MED13L: variants seen among roughly 807,000 people sequenced by gnomAD.
MED13L encodes the protein mediator of RNA polymerase II transcription subunit 13-like.
Under a neutral mutation model 220.9 loss-of-function variants are expected in MED13L, and 7 were observed. The observed-to-expected ratio is 0.03, with a 90% CI of 0.02 to 0.06. The LOEUF is 0.06. Ranked by LOEUF, MED13L falls within the 10% of genes least tolerant of loss-of-function variation. The pLI, the probability that MED13L is intolerant of heterozygous loss-of-function variation, is 1.00. For missense variants in MED13L, 1,965 were observed against 2,760.5 expected (o/e 0.71, Z 6.46); for synonymous variants, 1,011 against 1,015.2 (o/e 1.00, Z 0.08).
At chr12:116,239,060 A>C (rs1870369288) in intron 1 of MED13L, among the ~76,000 whole-genome samples, 1 of 152,126 alleles carries the variant, frequency 6.6e-6, no homozygotes, top group Non-Finnish European at 1.5e-5. Flanking sequence ...GTGCCACGGC[A>C]CTCCAGCCTG....
chr12:116,210,320 T>C (rs894981145), intron 2 of MED13L, among the ~76,000 whole-genome samples: 8 of 152,066 alleles, frequency 5.3e-5, no homozygotes, highest in African/African-American at 1.7e-4. Context: ...GTCAACTGCT[T>C]TGAAACGTTG....
chr12:116,191,103 AAAAAG>A (rs562853726), intron 2 of MED13L, among the ~76,000 whole-genome samples: 98 of 151,116 alleles, frequency 6.5e-4, no homozygotes, highest in Non-Finnish European at 8.6e-4. Context: ...AAAAAAAAAA[AAAAAG>A]AAAAGAAAAG....
chr12:116,083,421 A>C (rs901475456), intron 4 of MED13L, among the ~76,000 whole-genome samples: 2 of 151,416 alleles, frequency 1.3e-5, no homozygotes, highest in African/African-American at 2.4e-5. Flanking sequence ...AAAAAAAAAA[A>C]AAAAAACACC....
intron 1 of MED13L, among the ~76,000 whole-genome samples, chr12:116,258,021 C>T (rs1369666040): frequency 2.0e-5 from 3 of 152,190 alleles, no homozygotes; most frequent in Non-Finnish European, 4.4e-5. Context: ...AATCTATATG[C>T]TCCAGTGATT....
Position 115,975,541 on chromosome 12 carries a change from G to A in MED13L, c.5562C>T (p.Cys1854=), listed in dbSNP as rs139063441. The change falls in exon 24 of 31, where the codon TGC becomes TGT. Residue 1854 remains cysteine (C), a synonymous_variant. Transcript: ENST00000281928. ...TDLHGELLET[C]VVNIALPNRS... is the part of the protein sequence containing the mutation. The stretch of plus-strand genomic sequence containing the variant: ...TGTTTGGTAAAGCAATATTTACAAC[G>A]CAGGTCTCTAATAATTCCCCATGGA... 27 of 1,613,858 alleles carry A rather than the reference G, an allele frequency of 1.7e-5. No individual in the cohort carries two copies. Among genetic ancestry groups the A allele is most frequent in the Admixed American group, 8.3e-5 (5 of 59,988 alleles).
chr12:116,110,885 C>T (rs529909554), intron 3 of MED13L, among the ~76,000 whole-genome samples: 5 of 151,098 alleles, frequency 3.3e-5, no homozygotes, highest in Non-Finnish European at 7.4e-5. Context: ...ATATCAATGT[C>T]AAGAAAGAAA....
intron 2 of MED13L, chr12:116,230,464 T>C: frequency 1.0e-6 from 1 of 983,876 alleles, no homozygotes. Flanking sequence ...CAATCTAAAA[T>C]ACTACAAATC....
At chr12:115,995,177 G>A (rs1255633317) in intron 16 of MED13L, among the ~76,000 whole-genome samples, 4 of 152,126 alleles carry the variant, frequency 2.6e-5, no homozygotes, top group African/African-American at 9.7e-5. Flanking sequence ...TTTACAGAAG[G>A]TCACAAACTT....
At chr12:116,236,661 G>T (rs1248680149) in intron 2 of MED13L, among the ~76,000 whole-genome samples, 2 of 152,086 alleles carry the variant, frequency 1.3e-5, no homozygotes, top group African/African-American at 4.8e-5. Flanking sequence ...CTAAAGATTA[G>T]AATTAGTCTT....
chr12:116,180,934 T>C lies in MED13L; in HGVS notation c.310+56534A>G, dbSNP rs942956709. Among the ~76,000 whole-genome samples, 21 of 147,194 alleles carry C rather than the reference T, an allele frequency of 1.4e-4. No individual in the cohort carries two copies. The South Asian group carries it at 2.1e-3, about 15-fold the overall frequency. ...AAAATGAGTTATTTCTCTCTCTCTT[T>C]TTTTTTTTTTTTTTGAAATGCAGTC... On this transcript the variant is annotated intron_variant, in intron 2 of 30. Transcript: ENST00000281928.
intron 2 of MED13L, among the ~76,000 whole-genome samples, chr12:116,202,057 T>C (rs1341204912): frequency 1.3e-5 from 2 of 152,172 alleles, no homozygotes; most frequent in Non-Finnish European, 2.9e-5. Context: ...CAAGTCACAT[T>C]CCTAGAAGAC....
At chr12:116,190,592 TCAAA>T (rs1313755925) in intron 2 of MED13L, among the ~76,000 whole-genome samples, 1 of 152,224 alleles carries the variant, frequency 6.6e-6, no homozygotes, top group Non-Finnish European at 1.5e-5. Context: ...AGGCAACCTG[TCAAA>T]CAATCTCATA....
chr12:116,026,566 C>T (rs1344499285), intron 4 of MED13L, among the ~76,000 whole-genome samples: 1 of 152,098 alleles, frequency 6.6e-6, no homozygotes, highest in Non-Finnish European at 1.5e-5. Context: ...AGGGTGGGCC[C>T]CATAAATCTG....
At chr12:116,200,914 T>C (rs1881972260) in intron 2 of MED13L, among the ~76,000 whole-genome samples, 1 of 152,072 alleles carries the variant, frequency 6.6e-6, no homozygotes, top group Non-Finnish European at 1.5e-5. Flanking sequence ...AGAGGGATGG[T>C]GTAAGCAAAA....
intron 2 of MED13L, among the ~76,000 whole-genome samples, chr12:116,126,366 G>C (rs1160670907): frequency 6.6e-6 from 1 of 152,166 alleles, no homozygotes; most frequent in East Asian, 1.9e-4. Context: ...TTTTGGATAG[G>C]GCACAGTCTG....
chr12:116,136,442 ATGTG>A (rs966787190), intron 2 of MED13L, among the ~76,000 whole-genome samples: 1 of 152,102 alleles, frequency 6.6e-6, no homozygotes, highest in African/African-American at 2.4e-5. Flanking sequence ...ATAAGTGTGT[ATGTG>A]TGTGTGTATG....
chr12:116,250,776 CAAAAAA>C (rs772459455), intron 1 of MED13L, among the ~76,000 whole-genome samples: 5 of 76,782 alleles, frequency 6.5e-5, no homozygotes, highest in African/African-American at 2.2e-4. Flanking sequence ...GACTCCTCCT[CAAAAAA>C]AAAAAAAAAA....
chr12:115,974,773 C>T (rs981100629), intron 25 of MED13L, among the ~76,000 whole-genome samples: 4 of 152,192 alleles, frequency 2.6e-5, no homozygotes, highest in African/African-American at 9.7e-5. Context: ...CAAAACTCAT[C>T]ATCAACCACC....
intron 2 of MED13L, among the ~76,000 whole-genome samples, chr12:116,136,682 G>A (rs2138028245): frequency 6.6e-6 from 1 of 152,066 alleles, no homozygotes; most frequent in East Asian, 1.9e-4. Context: ...AACATCAGGT[G>A]GCATATAATA....
Sources: allele counts gnomAD v4.1 joint callset (sites outside exome capture counted in the v4.1 genomes callset), GRCh38; gene constraint gnomAD v4.1.1; transcripts MANE v1.5; gene names NCBI Gene and HGNC (gene_info 2026-07-23, HGNC 2026-07-21).